The following ANO5 variants were observed in gnomAD, a reference collection of about 807,000 sequenced individuals.
ANO5 encodes anoctamin 5.
Under a neutral mutation model 121.0 loss-of-function variants are expected in ANO5, and 109 were observed. That is an observed-to-expected ratio of 0.90 (90% CI 0.77 to 1.06). The LOEUF (loss-of-function observed/expected upper bound fraction) is 1.06. Ranked by LOEUF, ANO5 falls within the 50% of genes least tolerant of loss-of-function variation. The pLI is 0.00. For missense variants in ANO5, 1,064 were observed against 1,078.5 expected, an observed-to-expected ratio of 0.99 and a Z score of 0.19; for synonymous variants, 406 against 359.9, an observed-to-expected ratio of 1.13 and a Z score of -1.45.
chr11:22,275,095 A>T (rs1854787019), intron 20 of ANO5, among the ~76,000 whole-genome samples: 1 of 152,026 alleles, frequency 6.6e-6, no homozygotes, highest in Admixed American at 6.6e-5. Context: ...AGATCATACA[A>T]CATTGTCAAA....
intron 1 of ANO5, among the ~76,000 whole-genome samples, chr11:22,195,271 T>A (rs746523468): frequency 6.6e-6 from 1 of 152,164 alleles, no homozygotes; most frequent in Non-Finnish European, 1.5e-5. Context: ...TTACAAAAAT[T>A]TAGTTGTATT....
chr11:22,252,525 C>T (rs1853859911), intron 12 of ANO5, among the ~76,000 whole-genome samples: 1 of 152,072 alleles, frequency 6.6e-6, no homozygotes, highest in African/African-American at 2.4e-5. Context: ...ATTGGCTCTC[C>T]TTGATGTTTG....
chr11:22,252,718 T>C (rs1446167126), intron 12 of ANO5, among the ~76,000 whole-genome samples: 1 of 152,162 alleles, frequency 6.6e-6, no homozygotes, highest in African/African-American at 2.4e-5. Flanking sequence ...GTTTTTCTTG[T>C]TTTTGTGTTT....
At chr11:22,199,840 A>C (rs1292480695) in intron 1 of ANO5, among the ~76,000 whole-genome samples, 1 of 152,122 alleles carries the variant, frequency 6.6e-6, no homozygotes, top group Non-Finnish European at 1.5e-5. Flanking sequence ...TTTTTGAATA[A>C]TTATGGATAT....
chr11:22,211,901 G>A (rs1420116332), intron 3 of ANO5, among the ~76,000 whole-genome samples: 1 of 151,838 alleles, frequency 6.6e-6, no homozygotes, highest in Non-Finnish European at 1.5e-5. Flanking sequence ...CTTTTCACTA[G>A]AGTACTAATC....
In ANO5 at chr11:22,204,423, G is replaced by A. The variant is rs566112351; in HGVS notation, c.87+573G>A. 3.3e-5 allele frequency among the ~76,000 whole-genome samples: 5 copies of A among 152,146 alleles called. No homozygotes were observed. In the South Asian group the frequency reaches 1.0e-3, roughly 32 times the overall value. On this transcript the variant is annotated intron_variant, in intron 2 of 21. Coordinates refer to ENST00000324559, the MANE Select transcript of ANO5 (RefSeq NM_213599.3). ...TTTCAATGAAATCATTTTTCTGATA[G>A]ACTCTAGTTGATAAAGAATCCCATG...
intron 12 of ANO5, among the ~76,000 whole-genome samples, chr11:22,254,072 C>T (rs1049561285): frequency 5.3e-5 from 8 of 151,906 alleles, no homozygotes; most frequent in Non-Finnish European, 7.4e-5. Context: ...TTAAATATTT[C>T]TTTAAAGTTT....
chr11:22,235,634 C>G (rs766026500), intron 7 of ANO5, among the ~76,000 whole-genome samples: 1 of 152,030 alleles, frequency 6.6e-6, no homozygotes, highest in Non-Finnish European at 1.5e-5. Flanking sequence ...GATACCAAAG[C>G]CCAAATCATA....
At chr11:22,259,295 T>G (rs1023866659) in intron 14 of ANO5, among the ~76,000 whole-genome samples, 1 of 152,118 alleles carries the variant, frequency 6.6e-6, no homozygotes, top group African/African-American at 2.4e-5. Flanking sequence ...CGTTTCTCTT[T>G]TAGACTTAAT....
intron 9 of ANO5, among the ~76,000 whole-genome samples, chr11:22,247,670 C>T (rs1853670174): frequency 6.6e-6 from 1 of 152,080 alleles, no homozygotes; most frequent in South Asian, 2.1e-4. Flanking sequence ...CATGTTACCT[C>T]TATACCAAAC....
At chr11:22,218,353 T>C (rs988952841) in intron 4 of ANO5, 66 bp downstream of exon 4, 3 of 1,582,278 alleles carry the variant, frequency 1.9e-6, no homozygotes, top group African/African-American at 1.3e-5. Flanking sequence ...TTAGTTATTT[T>C]TCTTCTAATG....
chr11:22,261,341 G>A (rs1394137991), intron 15 of ANO5: 1 of 152,204 alleles, frequency 6.6e-6, no homozygotes, highest in African/African-American at 2.4e-5. Context: ...GAGAGAGAGT[G>A]CATGGGGAAG....
At chr11:22,226,082 T>G in intron 6 of ANO5, 30 bp downstream of exon 6, 2 of 1,550,124 alleles carry the variant, frequency 1.3e-6, no homozygotes, top group Non-Finnish European at 1.8e-6. Context: ...TATACAAGCC[T>G]CTTTAATTTA....
At chr11:22,215,713 A>G (rs1335055043) in intron 3 of ANO5, among the ~76,000 whole-genome samples, 1 of 151,998 alleles carries the variant, frequency 6.6e-6, no homozygotes, top group Non-Finnish European at 1.5e-5. Flanking sequence ...TCTACATTAA[A>G]TACAATAAAA....
In ANO5 at chr11:22,280,648, T is replaced by G. The variant is rs564871019; in HGVS notation, c.*883T>G. On this transcript the variant is annotated 3_prime_UTR_variant, in exon 22 of 22. Coordinates refer to ENST00000324559, the MANE Select transcript of ANO5 (RefSeq NM_213599.3). ...TATTTCTTAAAAATCACTTTTCTTC[T>G]GGAATGCCAATTTCACATCATGAAG... 1 of 152,120 alleles carries G rather than the reference T, an allele frequency of 6.6e-6. No individual in the cohort carries two copies. Among genetic ancestry groups the G allele is most frequent in the East Asian group, 1.9e-4 (1 of 5,192 alleles). 9.4% of individuals were successfully genotyped at this position (152,120 alleles called of 1,614,324 possible). A position where few individuals can be genotyped will look rare whatever the true frequency, so the allele number is the denominator to read the frequency against.
chr11:22,272,552 G>T (rs2133787288), intron 18 of ANO5, among the ~76,000 whole-genome samples: 1 of 152,252 alleles, frequency 6.6e-6, no homozygotes, highest in African/African-American at 2.4e-5. Context: ...TCTAAAGGAA[G>T]AGCAAAGAAA....
rs7124796 is a variant in ANO5 at position 22,259,969 on chromosome 11, T to G, written c.1630+228T>G. Among the ~76,000 whole-genome samples the G allele has an allele frequency of 0.11, 17,260 of 151,186 alleles. 2,801 individuals are homozygous for G. The highest frequency in any genetic ancestry group is 0.35 in the African/African-American group (14,559 of 41,092). On this transcript the variant is annotated intron_variant, in intron 15 of 21. Transcript: ENST00000324559. The stretch of plus-strand genomic sequence containing the variant: ...AACTGAAAAAAAAAAAAAAGAATTC[T>G]GACTCTATATATCTTTCTCAGTATC...
Position 22,244,038 on chromosome 11 carries a change from G to A in ANO5, c.878+4354G>A, listed in dbSNP as rs186807637. Reference sequence around the variant, plus strand: ...TGTTTAAGTGTGTTTTGTGATAGCAGGTGTTGTTCTTTCATTCCATGTTTA... The same window carrying A: ...TGTTTAAGTGTGTTTTGTGATAGCAAGTGTTGTTCTTTCATTCCATGTTTA... On this transcript the variant is annotated intron_variant, in intron 9 of 21. Transcript: ENST00000324559. Among the ~76,000 whole-genome samples the A allele has an allele frequency of 2.2e-4, 33 of 151,982 alleles. No individual in the cohort carries two copies. The East Asian group carries it at 6.2e-3, about 29-fold the overall frequency.
In ANO5 at chr11:22,276,386, A is replaced by G. The variant is rs75164147; in HGVS notation, c.2520+187A>G. Among the ~76,000 whole-genome samples, 473 of 151,892 alleles carry G rather than the reference A, an allele frequency of 3.1e-3. 1 individual carries two copies. The highest frequency in any genetic ancestry group is 0.01 in the Middle Eastern group (3 of 294). On this transcript the variant is annotated intron_variant, in intron 21 of 21. Coordinates refer to ENST00000324559, the MANE Select transcript of ANO5 (RefSeq NM_213599.3). ...ACAATGGATTGCCTATTATTCACTT[A>G]TTATTGTTGAACATGTCATGGTGAC... is the stretch of plus-strand genomic sequence containing the variant.
Sources: allele counts gnomAD v4.1 joint callset (sites outside exome capture counted in the v4.1 genomes callset), GRCh38; gene constraint gnomAD v4.1.1; transcripts MANE v1.5; gene names NCBI Gene and HGNC (gene_info 2026-07-23, HGNC 2026-07-21).